Variants in DLC1 observed in about 807,000 individuals in gnomAD.
DLC1 encodes the protein rho GTPase-activating protein 7.
A neutral mutation model predicts 140.3 loss-of-function variants in DLC1; 54 were observed. The observed-to-expected ratio is 0.38, with a 90% confidence interval of 0.31 to 0.48. The LOEUF is 0.48. Among genes scored for constraint, DLC1 ranks in the 20% least tolerant of loss-of-function variants. The probability of loss-of-function intolerance (pLI) is 0.96; values close to 1 mark genes in which losing one functional copy is unlikely to be tolerated. For synonymous variants in DLC1, 986 were observed against 728.1 expected (o/e 1.35, Z -5.70); for missense variants, 2,536 against 1,907.0 (o/e 1.33, Z -6.14).
chr8:13,235,812 C>G (rs939165706), intron 5 of DLC1, among the ~76,000 whole-genome samples: 2 of 151,786 alleles, frequency 1.3e-5, no homozygotes, highest in African/African-American at 4.8e-5. Context: ...GCCATGGTGA[C>G]CTTTAATTTC....
intron 5 of DLC1, among the ~76,000 whole-genome samples, chr8:13,167,571 A>G (rs1465424309): frequency 6.6e-6 from 1 of 152,172 alleles, no homozygotes; most frequent in Non-Finnish European, 1.5e-5. Context: ...TGACGCCTGA[A>G]ATCAGAGTAC....
intron 5 of DLC1, among the ~76,000 whole-genome samples, chr8:13,175,666 A>G (rs1257575617): frequency 6.6e-6 from 1 of 152,232 alleles, no homozygotes; most frequent in Non-Finnish European, 1.5e-5. Context: ...TGACTGGCAT[A>G]ATACAATTAA....
chr8:13,123,754 T>A (rs973088743), intron 5 of DLC1, among the ~76,000 whole-genome samples: 1 of 152,232 alleles, frequency 6.6e-6, no homozygotes, highest in Non-Finnish European at 1.5e-5. Context: ...CAAGCTTCTT[T>A]GTCCATTTTA....
At chr8:13,522,972 G>C (rs548714389) in intron 1 of DLC1, among the ~76,000 whole-genome samples, 9 of 152,246 alleles carry the variant, frequency 5.9e-5, no homozygotes, top group Admixed American at 2.0e-4. Flanking sequence ...AGGAATTAAT[G>C]TGGCTAAAAT....
intron 4 of DLC1, among the ~76,000 whole-genome samples, chr8:13,308,414 G>C (rs778414632): frequency 6.6e-6 from 1 of 152,152 alleles, no homozygotes; most frequent in African/African-American, 2.4e-5. Flanking sequence ...GTGATAACAG[G>C]TGGATATTCC....
At chr8:13,553,582 G>A (rs1803939390) in intron 1 of DLC1, among the ~76,000 whole-genome samples, 1 of 151,744 alleles carries the variant, frequency 6.6e-6, no homozygotes. Context: ...AAACTCCTGG[G>A]CTCTGACAGT....
At chr8:13,489,155 C>T (rs952605462) in intron 2 of DLC1, among the ~76,000 whole-genome samples, 4 of 151,964 alleles carry the variant, frequency 2.6e-5, no homozygotes, top group Non-Finnish European at 5.9e-5. Context: ...TCATATTGGT[C>T]AGACCGGTGT....
At chr8:13,426,359 C>T (rs1220684263) in intron 2 of DLC1, among the ~76,000 whole-genome samples, 1 of 152,160 alleles carries the variant, frequency 6.6e-6, no homozygotes, top group Non-Finnish European at 1.5e-5. Flanking sequence ...CACACTTGTG[C>T]TACATAGATG....
chr8:13,096,376 G>A (rs756560994), intron 10 of DLC1, among the ~76,000 whole-genome samples: 3 of 152,154 alleles, frequency 2.0e-5, no homozygotes, highest in Non-Finnish European at 4.4e-5. Context: ...AGAGAAGACA[G>A]ACTGCTTTGC....
At chr8:13,109,978 AT>A (rs1563617317) in intron 7 of DLC1, among the ~76,000 whole-genome samples, 1 of 152,176 alleles carries the variant, frequency 6.6e-6, no homozygotes, top group African/African-American at 2.4e-5. Flanking sequence ...AAATCAACCT[AT>A]GTGAGTTTTG....
intron 1 of DLC1, among the ~76,000 whole-genome samples, chr8:13,547,873 C>T (rs141296718): frequency 2.6e-4 from 35 of 134,000 alleles, no homozygotes; most frequent in African/African-American, 6.2e-4. Context: ...ACCCATTTCA[C>T]GCGTTTCCTT....
At chr8:13,473,006 G>A (rs977354080) in intron 2 of DLC1, among the ~76,000 whole-genome samples, 11 of 152,168 alleles carry the variant, frequency 7.2e-5, no homozygotes, top group African/African-American at 2.7e-4. Context: ...GAACTAAGAA[G>A]TTATAGTTGA....
rs539788602 is a variant in DLC1 at position 13,413,975 on chromosome 8, A to G, written c.1024-12356T>C. Among the ~76,000 whole-genome samples the G allele has an allele frequency of 5.9e-5, 9 of 152,226 alleles. No homozygotes were observed. In the South Asian group the frequency reaches 1.9e-3, roughly 32 times the overall value. On this transcript the variant is annotated intron_variant, in intron 2 of 17. Coordinates refer to ENST00000276297, the MANE Select transcript of DLC1 (RefSeq NM_182643.3). The stretch of plus-strand genomic sequence containing the variant: ...AACCTACATGTTACAGTTTGAAATT[A>G]CTCCAACAAGTACATGATGGTGAAT...
chr8:13,182,333 C>A (rs186529057), intron 5 of DLC1, among the ~76,000 whole-genome samples: 62 of 152,108 alleles, frequency 4.1e-4, no homozygotes, highest in African/African-American at 1.3e-3. Flanking sequence ...AATTAGATCC[C>A]ATTTGTCTAT....
chr8:13,111,636 C>T (rs1234750421), intron 6 of DLC1, among the ~76,000 whole-genome samples: 1 of 152,190 alleles, frequency 6.6e-6, no homozygotes, highest in African/African-American at 2.4e-5. Context: ...GAGGTAGCCG[C>T]TGTGGAAATT....
At chr8:13,178,560 G>A (rs1211064519) in intron 5 of DLC1, among the ~76,000 whole-genome samples, 3 of 139,344 alleles carry the variant, frequency 2.2e-5, no homozygotes, top group Admixed American at 7.3e-5. Context: ...GCGACAGAGT[G>A]AGACTCTGCC....
At chr8:13,566,716 C>A in intron 1 of DLC1, 1 of 450,688 alleles carries the variant, frequency 2.2e-6, no homozygotes, top group Non-Finnish European at 3.9e-6. Flanking sequence ...AGCAGGAGTG[C>A]AGAAGACAGG....
At chr8:13,111,559 A>G (rs1041478270) in intron 6 of DLC1, among the ~76,000 whole-genome samples, 5 of 152,186 alleles carry the variant, frequency 3.3e-5, no homozygotes, top group African/African-American at 1.2e-4. Flanking sequence ...TCAATGGAGG[A>G]ATTCCTTTCT....
At chr8:13,159,495 C>A (rs1254427137) in intron 5 of DLC1, among the ~76,000 whole-genome samples, 1 of 152,102 alleles carries the variant, frequency 6.6e-6, no homozygotes. Flanking sequence ...GGCTCTGTGC[C>A]CTCTCCCTTG....
Sources: allele counts gnomAD v4.1 joint callset (sites outside exome capture counted in the v4.1 genomes callset), GRCh38; gene constraint gnomAD v4.1.1; transcripts MANE v1.5; gene names NCBI Gene and HGNC (gene_info 2026-07-23, HGNC 2026-07-21).